LEPR: variants seen among roughly 807,000 people sequenced by gnomAD.
LEPR encodes the protein leptin receptor.
Under a neutral mutation model 114.7 loss-of-function variants are expected in LEPR, and 56 were observed. The ratio of observed to expected loss-of-function variants is 0.49; its 90% CI spans 0.39 to 0.61. The LOEUF is 0.61. LEPR is among the 20% of genes least tolerant of loss of function. The pLI, the probability that LEPR is intolerant of heterozygous loss-of-function variation, is 0.00. For missense variants in LEPR, 1,202 were observed against 1,352.9 expected (o/e 0.89, Z 1.75); for synonymous variants, 443 against 461.4 (o/e 0.96, Z 0.51).
At chr1:65,626,081 A>G (rs750268357) in intron 19 of LEPR, 2 of 1,580,504 alleles carry the variant, frequency 1.3e-6, no homozygotes, top group South Asian at 2.3e-5. Flanking sequence ...CATCAGCAAA[A>G]TGCAGTTTAA....
intron 5 of LEPR, among the ~76,000 whole-genome samples, chr1:65,584,421 G>T (rs749788044): frequency 2.0e-5 from 3 of 151,998 alleles, no homozygotes; most frequent in Non-Finnish European, 4.4e-5. Context: ...ATATATCTCT[G>T]TATGTACATG....
chr1:65,598,872 T>C (rs1238231550), intron 8 of LEPR, 68 bp downstream of exon 8: 2 of 1,605,992 alleles, frequency 1.2e-6, no homozygotes, highest in Non-Finnish European at 1.7e-6. Flanking sequence ...TTGTATAGTA[T>C]AAGCATCTTA....
chr1:65,467,673 G>C (rs369701076), intron 2 of LEPR, among the ~76,000 whole-genome samples: 1 of 152,202 alleles, frequency 6.6e-6, no homozygotes, highest in Non-Finnish European at 1.5e-5. Flanking sequence ...GAGCCTTGCC[G>C]TGCTGCGGTG....
chr1:65,612,454 G>T (rs1657236633), intron 14 of LEPR, among the ~76,000 whole-genome samples: 1 of 152,150 alleles, frequency 6.6e-6, no homozygotes, highest in Non-Finnish European at 1.5e-5. Flanking sequence ...TTCCATCCAG[G>T]ATAGCAGATT....
In LEPR at chr1:65,549,844, T is replaced by C. The variant is rs1012982316; in HGVS notation, c.-20-15702T>C. Among the ~76,000 whole-genome samples, 379 of 152,282 alleles carry C rather than the reference T, an allele frequency of 2.5e-3. 2 individuals carry two copies. Among genetic ancestry groups the C allele is most frequent in the African/African-American group, 8.5e-3 (354 of 41,554 alleles). On this transcript the variant is annotated intron_variant, in intron 2 of 19. Coordinates refer to ENST00000349533, the MANE Select transcript of LEPR (RefSeq NM_002303.6). Reference sequence around the variant, plus strand: ...AGTCATTCTCCATCCAGCTTTGTTCTGTTGCTGGTGAGGAACTGCGTTCCT... The same window carrying C: ...AGTCATTCTCCATCCAGCTTTGTTCCGTTGCTGGTGAGGAACTGCGTTCCT...
intron 2 of LEPR, among the ~76,000 whole-genome samples, chr1:65,467,687 T>C (rs1196948604): frequency 6.6e-6 from 1 of 152,188 alleles, no homozygotes; most frequent in African/African-American, 2.4e-5. Flanking sequence ...TGCGGTGGGC[T>C]CCACCCAGTT....
intron 2 of LEPR, among the ~76,000 whole-genome samples, chr1:65,549,636 G>A (rs1412686318): frequency 1.3e-5 from 2 of 152,130 alleles, no homozygotes; most frequent in East Asian, 3.8e-4. Flanking sequence ...TCTTCACGTA[G>A]TTCTCGAGCC....
intron 14 of LEPR, among the ~76,000 whole-genome samples, chr1:65,611,524 G>T (rs1349629033): frequency 6.6e-6 from 1 of 152,174 alleles, no homozygotes; most frequent in Non-Finnish European, 1.5e-5. Context: ...TTGTGGTAGG[G>T]CCAGCTATGA....
At chr1:65,567,812 C>T (rs900679063) in intron 3 of LEPR, among the ~76,000 whole-genome samples, 15 of 152,000 alleles carry the variant, frequency 9.9e-5, no homozygotes, top group African/African-American at 2.7e-4. Flanking sequence ...AGAGATTTTC[C>T]GTAGACTCCC....
chr1:65,586,617 CTT>C (rs879630274), intron 5 of LEPR, among the ~76,000 whole-genome samples: 3 of 144,308 alleles, frequency 2.1e-5, no homozygotes, highest in African/African-American at 2.5e-5. Context: ...ATGAAACAGT[CTT>C]TTTTTTTTTT....
intron 2 of LEPR, among the ~76,000 whole-genome samples, chr1:65,447,875 G>T (rs1646733304): frequency 6.6e-6 from 1 of 152,098 alleles, no homozygotes; most frequent in Non-Finnish European, 1.5e-5. Context: ...ATTGACTTTT[G>T]TATATTAATC....
rs577160799 is a variant in LEPR, at chr1:65,598,421, C to T, written c.850-239C>T. Among the ~76,000 whole-genome samples, 67 of 152,190 alleles carry T rather than the reference C, an allele frequency of 4.4e-4. 2 individuals are homozygous for T. The South Asian group carries it at 0.013, about 31-fold the overall frequency. ...CATATATTCATCATGATTCAATTAA[C>T]AGTATTTGTTAATTATCATTATGAT... On this transcript the variant is annotated intron_variant, in intron 7 of 19. Transcript: ENST00000349533.
At chr1:65,634,695 A>G in intron 19 of LEPR, 1 of 968,996 alleles carries the variant, frequency 1.0e-6, no homozygotes, top group Non-Finnish European at 1.2e-6. Context: ...GACTATGGTT[A>G]TGGTTTTTTT....
At chr1:65,626,347 G>A in intron 19 of LEPR, 2 of 1,279,310 alleles carry the variant, frequency 1.6e-6, no homozygotes, top group Non-Finnish European at 1.0e-6. Flanking sequence ...TACAGTGGGT[G>A]TGAATGTTCT....
At chr1:65,422,843 T>C (rs1057081942) in intron 1 of LEPR, among the ~76,000 whole-genome samples, 1 of 152,198 alleles carries the variant, frequency 6.6e-6, no homozygotes. Flanking sequence ...GAACAACTTG[T>C]AGGCTGTGGA....
intron 2 of LEPR, among the ~76,000 whole-genome samples, chr1:65,559,070 TG>T (rs1373903002): frequency 8.1e-4 from 1 of 1,236 alleles, no homozygotes. Context: ...TACCCAGTAA[TG>T]GGATGGCTGG....
At chr1:65,519,109 C>CTCCT (rs202044069) in intron 2 of LEPR, among the ~76,000 whole-genome samples, 29,713 of 109,376 alleles carry the variant, frequency 0.27, 4,445 homozygotes, top group South Asian at 0.35. Context: ...GTGTCTCTCT[C>CTCCT]TCCTTCCTTC....
At chr1:65,476,998 T>C (rs1033502557) in intron 2 of LEPR, among the ~76,000 whole-genome samples, 1 of 152,198 alleles carries the variant, frequency 6.6e-6, no homozygotes, top group African/African-American at 2.4e-5. Flanking sequence ...AGCACACATA[T>C]GCAGAACACA....
intron 2 of LEPR, among the ~76,000 whole-genome samples, chr1:65,546,989 C>G (rs1265194282): frequency 6.6e-6 from 1 of 152,082 alleles, no homozygotes; most frequent in African/African-American, 2.4e-5. Flanking sequence ...CCATGAATAC[C>G]TAATTTATTG....
Sources: gnomAD v4.1 joint callset for allele counts (sites outside exome capture counted in the v4.1 genomes callset) on GRCh38, gnomAD v4.1.1 for gene constraint, MANE v1.5 for transcripts, NCBI Gene and HGNC (gene_info 2026-07-23, HGNC 2026-07-21) for gene names.